The following CAPN3 variants were observed in gnomAD, a reference collection of about 807,000 sequenced individuals.
CAPN3 encodes the protein calpain-3.
CAPN3 carries 88 observed loss-of-function variants against 114.0 expected under a neutral mutation model. The observed-to-expected ratio is 0.77, with a 90% confidence interval of 0.65 to 0.92. CAPN3 has a LOEUF of 0.92. Among genes scored for constraint, CAPN3 ranks in the 40% least tolerant of loss-of-function variants. The pLI is 0.00. For synonymous variants in CAPN3, 386 were observed against 382.9 expected (o/e 1.01, Z -0.09); for missense variants, 1,028 against 1,069.0 (o/e 0.96, Z 0.53).
chr15:42,383,234 C>G (rs961219508), intron 1 of CAPN3, among the ~76,000 whole-genome samples: 1 of 151,994 alleles, frequency 6.6e-6, no homozygotes, highest in Non-Finnish European at 1.5e-5. Context: ...AGAGAGAGAC[C>G]CTGTTTGAAC....
intron 9 of CAPN3, among the ~76,000 whole-genome samples, chr15:42,397,601 G>A (rs999176849): frequency 2.7e-5 from 4 of 150,492 alleles, no homozygotes; most frequent in Non-Finnish European, 2.9e-5. Context: ...CCCAGATTGC[G>A]CCACTGCACT....
intron 10 of CAPN3, among the ~76,000 whole-genome samples, chr15:42,400,268 C>T (rs1322780041): frequency 6.6e-6 from 1 of 152,154 alleles, no homozygotes; most frequent in Non-Finnish European, 1.5e-5. Flanking sequence ...ACCAAGTTAG[C>T]AGCTGCTGCA....
intron 7 of CAPN3, among the ~76,000 whole-genome samples, chr15:42,393,107 A>G (rs1389700068): frequency 6.6e-6 from 1 of 152,200 alleles, no homozygotes; most frequent in Non-Finnish European, 1.5e-5. Flanking sequence ...AGAAGCCCCA[A>G]CAGTAACAAA....
chr15:42,412,189 C>A lies in CAPN3; in HGVS notation c.*416C>A. 3 of 1,536,092 alleles carry A rather than the reference C, an allele frequency of 2.0e-6. No individual in the cohort carries two copies. Among genetic ancestry groups the A allele is most frequent in the Non-Finnish European group, 2.6e-6 (3 of 1,146,842 alleles). Reference sequence around the variant, plus strand: ...CCATGGGCCAGGAACCAAACCAGCACTGGGTTCTACTGCTGTGGGGTAAAC... The same window carrying A: ...CCATGGGCCAGGAACCAAACCAGCAATGGGTTCTACTGCTGTGGGGTAAAC... On this transcript the variant is annotated 3_prime_UTR_variant, in exon 24 of 24. Coordinates refer to ENST00000397163, the MANE Select transcript of CAPN3 (RefSeq NM_000070.3).
At position 42,402,913 on chromosome 15, in the gene CAPN3, C is replaced by T. The variant is rs751666282; in HGVS notation, c.1656C>T (p.Ser552=). The T allele has an allele frequency of 3.7e-6, 6 of 1,614,204 alleles. No individual in the cohort carries two copies. In the Admixed American group the frequency reaches 8.3e-5, roughly 22 times the overall value. The change falls in exon 13 of 24, where the codon AGC becomes AGT. Residue 552 remains serine, a synonymous_variant. Coordinates refer to ENST00000397163, the MANE Select transcript of CAPN3 (RefSeq NM_000070.3). ...EVSQRFRLPP[S]EYVIVPSTYE... ...CCCAGCGCTTCCGCCTGCCTCCCAG[C>T]GAGTACGTCATCGTGCCCTCCACCT...
chr15:42,371,388 G>A (rs1227270249), intron 1 of CAPN3, among the ~76,000 whole-genome samples: 1 of 152,078 alleles, frequency 6.6e-6, no homozygotes, highest in Admixed American at 6.5e-5. Context: ...ACAATGAGAG[G>A]GGCTGGGACA....
chr15:42,388,957 G>T lies in CAPN3; in HGVS notation c.662G>T (p.Gly221Val). The change falls in exon 5 of 24, where the codon GGT becomes GTT. Residue 221 changes from glycine to valine, a missense_variant. Physicochemically the swap from Gly to Val is moderately radical, Grantham distance 109. Coordinates refer to ENST00000397163, the MANE Select transcript of CAPN3 (RefSeq NM_000070.3). Reference sequence around the variant, plus strand: ...CATGGTTCCTACGAAGCTCTGAAAGGTGGGAACACCACAGAGGCCATGGAG... The same window carrying T: ...CATGGTTCCTACGAAGCTCTGAAAGTTGGGAACACCACAGAGGCCATGGAG... ...KLHGSYEALK[G>V]GNTTEAMEDF... 6.2e-7 allele frequency: 1 copy of T among 1,614,096 alleles called. No individual in the cohort carries two copies. Among genetic ancestry groups the T allele is most frequent in the Non-Finnish European group, 8.5e-7 (1 of 1,180,010 alleles).
At chr15:42,376,940 A>G (rs1449860329) in intron 1 of CAPN3, among the ~76,000 whole-genome samples, 2 of 152,232 alleles carry the variant, frequency 1.3e-5, no homozygotes, top group Non-Finnish European at 2.9e-5. Flanking sequence ...ATATAAAAGG[A>G]ATATTTTTAA....
rs373706694 is a variant in CAPN3, at chr15:42,361,690, AG to A, written c.309+1578del. ...CCCTCTCTCGGCCCCCACTGCCTTC[AG>A]GACAAGTCCAAACTCCTTAGCCAAG... On this transcript the variant is annotated intron_variant, in intron 1 of 23. Coordinates refer to ENST00000397163, the MANE Select transcript of CAPN3 (RefSeq NM_000070.3). Among the ~76,000 whole-genome samples, 36 of 152,260 alleles carry A rather than the reference AG, an allele frequency of 2.4e-4. No individual in the cohort carries two copies. The East Asian group carries it at 6.6e-3, about 28-fold the overall frequency.
chr15:42,387,930 A>G (rs1195924759), intron 4 of CAPN3, 44 bp downstream of exon 4: 1 of 1,613,574 alleles, frequency 6.2e-7, no homozygotes, highest in Non-Finnish European at 8.5e-7. Flanking sequence ...GAGGTGAGAA[A>G]GTGGGTTGCA....
chr15:42,376,724 G>C (rs2141137123), intron 1 of CAPN3, among the ~76,000 whole-genome samples: 1 of 152,222 alleles, frequency 6.6e-6, no homozygotes, highest in Non-Finnish European at 1.5e-5. Flanking sequence ...TGCTACCGGA[G>C]TGTGATTGCT....
In CAPN3 at chr15:42,396,783, C is replaced by T; in HGVS notation, c.1116-17C>T. The stretch of plus-strand genomic sequence containing the variant: ...TCCCTTCTTCCTGCTTCCTTAATTC[C>T]TCCATTTTCCCACCAGATGGAAGGA... On this transcript the variant is annotated splice_polypyrimidine_tract_variant and intron_variant, in intron 8 of 23. Coordinates refer to ENST00000397163, the MANE Select transcript of CAPN3 (RefSeq NM_000070.3). 6.2e-7 allele frequency: 1 copy of T among 1,606,908 alleles called. No individual in the cohort carries two copies. The highest frequency in any genetic ancestry group is 1.3e-5 in the African/African-American group (1 of 74,870).
intron 15 of CAPN3, among the ~76,000 whole-genome samples, chr15:42,408,010 G>A (rs1260113540): frequency 1.3e-5 from 2 of 152,190 alleles, no homozygotes; most frequent in African/African-American, 2.4e-5. Flanking sequence ...AGGAGGGATG[G>A]AGTGGGTATG....
At chr15:42,397,131 T>G (rs1373348974) in intron 9 of CAPN3, among the ~76,000 whole-genome samples, 28 of 152,192 alleles carry the variant, frequency 1.8e-4, no homozygotes, top group Non-Finnish European at 3.7e-4. Flanking sequence ...ACACACTCTA[T>G]TCCAGCCACA....
chr15:42,411,371 C>T, intron 23 of CAPN3, 26 bp downstream of exon 23: 2 of 1,608,378 alleles, frequency 1.2e-6, no homozygotes, highest in East Asian at 2.2e-5. Context: ...AGCACATTCC[C>T]CCTACACATT....
chr15:42,403,489 T>A (rs2053934606), intron 13 of CAPN3, among the ~76,000 whole-genome samples: 2 of 152,108 alleles, frequency 1.3e-5, no homozygotes, highest in South Asian at 4.1e-4. Flanking sequence ...ATGCACCAGG[T>A]CCATGGGTAG....
chr15:42,402,879 G>T lies in CAPN3; in HGVS notation c.1622G>T (p.Arg541Leu). The stretch of plus-strand genomic sequence containing the variant: ...AGGAGCAAAACCTACATCAACATGC[G>T]GGAGGTGTCCCAGCGCTTCCGCCTG... Reference protein sequence around the residue: ...KARSKTYINMREVSQRFRLPP... With the variant: ...KARSKTYINMLEVSQRFRLPP... The change falls in exon 13 of 24, where the codon CGG becomes CTG. Residue 541 changes from arginine (R) to leucine (L), a missense_variant. By Grantham distance (102) the Arg-to-Leu change is moderately radical. Coordinates refer to ENST00000397163, the MANE Select transcript of CAPN3 (RefSeq NM_000070.3). The T allele has an allele frequency of 1.2e-6, 2 of 1,614,156 alleles. No homozygotes were observed. The highest frequency in any genetic ancestry group is 1.7e-6 in the Non-Finnish European group (2 of 1,180,008).
At chr15:42,409,494 G>A (rs1208015833) in intron 17 of CAPN3, 114 bp downstream of exon 17, 10 of 1,014,794 alleles carry the variant, frequency 9.9e-6, no homozygotes, top group Non-Finnish European at 1.5e-5. Flanking sequence ...GGACTTTGGT[G>A]GAGCCAGGGG....
chr15:42,409,898 A>G (rs1451557808), intron 18 of CAPN3, 33 bp from the exon 19 acceptor site: 2 of 1,612,508 alleles, frequency 1.2e-6, no homozygotes, highest in Admixed American at 3.3e-5. Flanking sequence ...CCGTTGTCTC[A>G]AAGCAGCTCC....
Sources: allele counts gnomAD v4.1 joint callset (sites outside exome capture counted in the v4.1 genomes callset), GRCh38; gene constraint gnomAD v4.1.1; transcripts MANE v1.5; gene names NCBI Gene and HGNC (gene_info 2026-07-23, HGNC 2026-07-21).